SKI: variants seen among roughly 807,000 people sequenced by gnomAD.
SKI encodes SKI proto-oncogene.
SKI carries 23 observed loss-of-function variants against 59.3 expected under a neutral mutation model. The ratio of observed to expected loss-of-function variants is 0.39; its 90% CI spans 0.28 to 0.55. The LOEUF (loss-of-function observed/expected upper bound fraction) is 0.55. Ranked by LOEUF, SKI falls within the 20% of genes least tolerant of loss-of-function variation. SKI has a pLI of 0.67. For missense variants in SKI, 1,017 were observed against 1,038.9 expected (o/e 0.98, Z 0.29); for synonymous variants, 673 against 488.6 (o/e 1.38, Z -4.98).
In SKI at chr1:2,307,098, AAATC is replaced by A. The variant is rs1004260290; in HGVS notation, c.*336_*339del. 2.3e-5 allele frequency: 4 copies of A among 175,938 alleles called. No individual in the cohort carries two copies. Among genetic ancestry groups the A allele is most frequent in the African/African-American group, 9.5e-5 (4 of 42,012 alleles). The allele number at this position is 175,938 out of a possible 1,614,324, so 10.9% of individuals were successfully genotyped here. A position where few individuals can be genotyped will look rare whatever the true frequency, so the allele number is the denominator to read the frequency against. On this transcript the variant is annotated 3_prime_UTR_variant, in exon 7 of 7. Transcript: ENST00000378536. ...CCAGTAAGGAGACTTGAAATTCAGA[AAATC>A]AACACATTTTTAAATGACTAACTTC...
intron 1 of SKI, chr1:2,232,746 A>AC (rs1273412414): frequency 5.3e-5 from 8 of 152,318 alleles, no homozygotes; most frequent in Non-Finnish European, 1.2e-4. Flanking sequence ...TCGGTCCCAC[A>AC]CTGGCTTTGT....
At chr1:2,289,826 T>G (rs1640123939) in intron 1 of SKI, among the ~76,000 whole-genome samples, 1 of 152,012 alleles carries the variant, frequency 6.6e-6, no homozygotes, top group Admixed American at 6.5e-5. Context: ...AGAGCCTGGC[T>G]GGCCTGGCCT....
intron 1 of SKI, among the ~76,000 whole-genome samples, chr1:2,252,750 C>T (rs909255908): frequency 6.6e-6 from 1 of 152,044 alleles, no homozygotes; most frequent in East Asian, 1.9e-4. Context: ...CTGGAAGAGC[C>T]GTCCCATGGT....
chr1:2,287,245 G>A (rs1640058213), intron 1 of SKI, among the ~76,000 whole-genome samples: 1 of 152,120 alleles, frequency 6.6e-6, no homozygotes, highest in Non-Finnish European at 1.5e-5. Flanking sequence ...AGGTGGAGGC[G>A]ACTTGGGAAT....
At chr1:2,260,295 C>T (rs950387044) in intron 1 of SKI, among the ~76,000 whole-genome samples, 2 of 152,156 alleles carry the variant, frequency 1.3e-5, no homozygotes, top group African/African-American at 4.8e-5. Flanking sequence ...GCGTATTTGC[C>T]ACCATATGTC....
chr1:2,253,921 G>T (rs1241672124), intron 1 of SKI, among the ~76,000 whole-genome samples: 1 of 152,270 alleles, frequency 6.6e-6, no homozygotes, highest in African/African-American at 2.4e-5. Flanking sequence ...TTGGGCCAGA[G>T]TGGTGTCCCC....
rs372786242 is a variant in SKI, at chr1:2,243,956, T to TTTTC, written c.969+14241_969+14244dup. ...AAAGGTGGGATTGTTTTACCCAAAC[T>TTTTC]TTTCTTTCTTTCTTTCTTTCTTTTT... On this transcript the variant is annotated intron_variant, in intron 1 of 6. Transcript: ENST00000378536. Among the ~76,000 whole-genome samples the TTTTC allele has an allele frequency of 7.2e-3, 1,100 of 151,754 alleles. 14 individuals carry two copies. Among genetic ancestry groups the TTTTC allele is most frequent in the African/African-American group, 0.025 (1,020 of 41,340 alleles).
intron 1 of SKI, chr1:2,248,083 G>C (rs113216074): frequency 6.6e-6 from 1 of 152,278 alleles, no homozygotes. Context: ...TGAGTGCGCG[G>C]AAGGACCCTG....
At chr1:2,284,212 C>T (rs2645078) in intron 1 of SKI, among the ~76,000 whole-genome samples, 10 of 152,180 alleles carry the variant, frequency 6.6e-5, no homozygotes, top group South Asian at 2.1e-4. Context: ...GCGTCCTCCC[C>T]GTTCCACTGG....
At chr1:2,263,212 A>AT (rs1378859923) in intron 1 of SKI, among the ~76,000 whole-genome samples, 1 of 119,922 alleles carries the variant, frequency 8.3e-6, no homozygotes, top group Non-Finnish European at 1.8e-5. Flanking sequence ...CTTGAGTTTT[A>AT]TTTGCTAAAA....
chr1:2,282,674 T>C (rs1455855401), intron 1 of SKI, among the ~76,000 whole-genome samples: 1 of 152,100 alleles, frequency 6.6e-6, no homozygotes, highest in Non-Finnish European at 1.5e-5. Context: ...ACCCTCATGA[T>C]AGGGCCTGGG....
chr1:2,285,376 G>A (rs906864491), intron 1 of SKI, among the ~76,000 whole-genome samples: 3 of 151,900 alleles, frequency 2.0e-5, no homozygotes, highest in Middle Eastern at 3.4e-3. Context: ...TTAGCTGAGC[G>A]TGGTGGCGGG....
chr1:2,240,922 C>A, intron 1 of SKI: 2 of 478,200 alleles, frequency 4.2e-6, no homozygotes, highest in Non-Finnish European at 5.5e-6. Flanking sequence ...CTGTGTTCAG[C>A]CCCTGAGATG....
At chr1:2,299,834 G>A (rs1569851352) in intron 1 of SKI, among the ~76,000 whole-genome samples, 4 of 152,294 alleles carry the variant, frequency 2.6e-5, no homozygotes, top group South Asian at 4.1e-4. Context: ...GGCCTGAAAC[G>A]CAGGGCCCCC....
chr1:2,253,601 G>T (rs1360062268), intron 1 of SKI, among the ~76,000 whole-genome samples: 6 of 152,210 alleles, frequency 3.9e-5, no homozygotes, highest in Non-Finnish European at 8.8e-5. Context: ...CCTCACTTTT[G>T]TTCCTGAGGA....
chr1:2,275,188 G>A (rs1192779926), intron 1 of SKI, among the ~76,000 whole-genome samples: 2 of 152,230 alleles, frequency 1.3e-5, no homozygotes, highest in African/African-American at 2.4e-5. Context: ...ATGTGTTCGC[G>A]GGGTCCTGGT....
chr1:2,242,171 GC>G (rs1557815226), intron 1 of SKI, among the ~76,000 whole-genome samples: 2 of 152,204 alleles, frequency 1.3e-5, no homozygotes, highest in African/African-American at 4.8e-5. Flanking sequence ...CCTTGGTGTG[GC>G]CCCCAGCCGC....
intron 1 of SKI, among the ~76,000 whole-genome samples, chr1:2,275,115 G>A (rs1191803806): frequency 1.3e-5 from 2 of 152,210 alleles, no homozygotes; most frequent in African/African-American, 2.4e-5. Flanking sequence ...CACCCTGAAA[G>A]GGCTACTGCC....
At chr1:2,305,891 C>T (rs966522739) in intron 5 of SKI, 129 bp from the exon 6 acceptor site, 1 of 784,364 alleles carries the variant, frequency 1.3e-6, no homozygotes, top group African/African-American at 1.7e-5. Flanking sequence ...TGATGGCGCG[C>T]TGGGGGCGGG....
Sources: gnomAD v4.1 joint callset for allele counts (sites outside exome capture counted in the v4.1 genomes callset) on GRCh38, gnomAD v4.1.1 for gene constraint, MANE v1.5 for transcripts, NCBI Gene and HGNC (gene_info 2026-07-23, HGNC 2026-07-21) for gene names.